Variants in FSIP2 observed in about 807,000 individuals in gnomAD.
The protein encoded by FSIP2 is fibrous sheath interacting protein 2.
A neutral mutation model predicts 510.5 loss-of-function variants in FSIP2; 367 were observed. That is an observed-to-expected ratio of 0.72 (90% CI 0.66 to 0.78). The LOEUF (loss-of-function observed/expected upper bound fraction) is 0.78. Ranked by LOEUF, FSIP2 falls within the 30% of genes least tolerant of loss-of-function variation. FSIP2 has a pLI of 0.00. For synonymous variants in FSIP2, 2,601 were observed against 2,732.2 expected (o/e 0.95, Z 1.50); for missense variants, 7,594 against 7,901.7 (o/e 0.96, Z 1.48).
In FSIP2 at chr2:185,803,077, C is replaced by A; in HGVS notation, c.13771C>A (p.Pro4591Thr). 1 of 1,513,926 alleles carries A rather than the reference C, an allele frequency of 6.6e-7. No homozygotes were observed. Among genetic ancestry groups the A allele is most frequent in the Non-Finnish European group, 8.8e-7 (1 of 1,137,386 alleles). The allele number at this position is 1,513,926 out of a possible 1,614,324, so 93.8% of individuals were successfully genotyped here. Reference sequence around the variant, plus strand: ...ACATATCTGTCAAAAACATCTTCAGCCATTTGTGAGTGGAAAATCATTATC... The same window carrying A: ...ACATATCTGTCAAAAACATCTTCAGACATTTGTGAGTGGAAAATCATTATC... ...IKHICQKHLQ[P>T]FVSGKSLSSS... The change falls in exon 17 of 23, where the codon CCA becomes ACA. Residue 4591 changes from proline (P) to threonine (T), a missense_variant. Physicochemically the swap from Pro to Thr is conservative, Grantham distance 38. Transcript: ENST00000424728.
At chr2:185,812,348 G>A (rs976607154) in intron 17 of FSIP2, among the ~76,000 whole-genome samples, 2 of 152,088 alleles carry the variant, frequency 1.3e-5, no homozygotes, top group Non-Finnish European at 2.9e-5. Flanking sequence ...AGCCCCTTCT[G>A]TCAGGCCAAT....
chr2:185,740,481 A>G (rs964217595), intron 2 of FSIP2: 3 of 152,254 alleles, frequency 2.0e-5, no homozygotes, highest in Non-Finnish European at 2.9e-5. Flanking sequence ...AAGTTCTACA[A>G]GAAAGAATTC....
intron 13 of FSIP2, among the ~76,000 whole-genome samples, chr2:185,770,471 T>C (rs937967469): frequency 6.6e-6 from 1 of 152,034 alleles, no homozygotes; most frequent in East Asian, 1.9e-4. Flanking sequence ...TATCACATGG[T>C]GAGAAAGCAG....
At chr2:185,752,994 G>A (rs1349735359) in intron 7 of FSIP2, among the ~76,000 whole-genome samples, 3 of 151,224 alleles carry the variant, frequency 2.0e-5, no homozygotes, top group Non-Finnish European at 3.0e-5. Flanking sequence ...TTTGCTGGTG[G>A]GGTGAGAGCC....
chr2:185,823,727 T>G (rs779729238), intron 19 of FSIP2, among the ~76,000 whole-genome samples: 16 of 151,726 alleles, frequency 1.1e-4, no homozygotes, highest in Non-Finnish European at 1.8e-4. Context: ...GATCAAGCAA[T>G]TCTACTTCTG....
In FSIP2 at chr2:185,792,809, C is replaced by T; in HGVS notation, c.5673C>T (p.Val1891=). Residue 1891 remains valine, a synonymous_variant, in exon 16 of 23, where the codon GTC becomes GTT. Transcript: ENST00000424728. ...HEHTYKGKSS[V]TALDENPCTF... ...ACACCTATAAAGGAAAGTCCTCTGT[C>T]ACGGCTTTGGATGAAAATCCATGTA... 1 of 1,534,382 alleles carries T rather than the reference C, an allele frequency of 6.5e-7. No individual in the cohort carries two copies. Among genetic ancestry groups the T allele is most frequent in the Non-Finnish European group, 8.7e-7 (1 of 1,145,718 alleles).
At chr2:185,832,796 T>C (rs1694132106) in intron 22 of FSIP2, among the ~76,000 whole-genome samples, 2 of 151,928 alleles carry the variant, frequency 1.3e-5, no homozygotes, top group South Asian at 4.1e-4. Flanking sequence ...GTACTTCTAC[T>C]TTCTCTTGAG....
chr2:185,742,914 GAT>G (rs1196962660), intron 2 of FSIP2, among the ~76,000 whole-genome samples: 1 of 152,136 alleles, frequency 6.6e-6, no homozygotes, highest in Non-Finnish European at 1.5e-5. Flanking sequence ...AGGAGGAACT[GAT>G]TGGGTTAAGG....
At chr2:185,771,292 CT>C in intron 13 of FSIP2, among the ~76,000 whole-genome samples, 1 of 152,334 alleles carries the variant, frequency 6.6e-6, no homozygotes, top group South Asian at 2.1e-4. Flanking sequence ...CACATTTCCC[CT>C]TGGCACTGCC....
chr2:185,805,527 T>A lies in FSIP2; in HGVS notation c.16221T>A (p.Phe5407Leu). 1 of 1,611,610 alleles carries A rather than the reference T, an allele frequency of 6.2e-7. No individual in the cohort carries two copies. Among genetic ancestry groups the A allele is most frequent in the Middle Eastern group, 1.7e-4 (1 of 6,046 alleles). Reference protein sequence around the residue: ...LFSGDWSSTFFSFLNPDNITQ... With the variant: ...LFSGDWSSTFLSFLNPDNITQ... Reference sequence around the variant, plus strand: ...CAGGAGACTGGTCTTCCACCTTCTTTTCATTTCTAAATCCAGATAATATCA... The same window carrying A: ...CAGGAGACTGGTCTTCCACCTTCTTATCATTTCTAAATCCAGATAATATCA... Residue 5407 changes from phenylalanine (F) to leucine (L), a missense_variant, in exon 17 of 23, where the codon TTT becomes TTA. Transcript: ENST00000424728.
rs2105639535 is a variant in FSIP2, at chr2:185,801,517, G to A, written c.12211G>A (p.Asp4071Asn). Residue 4071 changes from aspartate (D) to asparagine (N), a missense_variant, in exon 17 of 23, where the codon GAC (aspartate) becomes AAC (asparagine). Physicochemically the swap from Asp to Asn is conservative, Grantham distance 23. Transcript: ENST00000424728. ...KVACGNNPVY[D>N]NASIAEQITN... is the part of the protein sequence containing the mutation. Reference sequence around the variant, plus strand: ...GGCCTGTGGTAATAATCCGGTATACGACAATGCCTCAATAGCAGAACAAAT... The same window carrying A: ...GGCCTGTGGTAATAATCCGGTATACAACAATGCCTCAATAGCAGAACAAAT... The A allele has an allele frequency of 5.9e-6, 9 of 1,533,052 alleles. No individual in the cohort carries two copies. The highest frequency in any genetic ancestry group is 2.0e-5 in the Admixed American group (1 of 50,828). The allele number at this position is 1,533,052 out of a possible 1,614,324, so 95.0% of individuals were successfully genotyped here. A position where few individuals can be genotyped will look rare whatever the true frequency, so the allele number is the denominator to read the frequency against.
At chr2:185,766,657 G>T (rs892204932) in intron 13 of FSIP2, 1 of 151,314 alleles carries the variant, frequency 6.6e-6, no homozygotes, top group South Asian at 2.1e-4. Flanking sequence ...GCATTAAAAA[G>T]TCAGGAAACA....
In FSIP2 at chr2:185,813,905, A is replaced by G. The variant is rs747591191; in HGVS notation, c.20188A>G (p.Thr6730Ala). 1.5e-5 allele frequency: 25 copies of G among 1,613,758 alleles called. No individual in the cohort carries two copies. The South Asian group carries it at 2.7e-4, about 18-fold the overall frequency. Reference protein sequence around the residue: ...QTTASANIESTEAISNQVIES... With the variant: ...QTTASANIESAEAISNQVIES... ...CACAGCCAGTGCAAATATTGAAAGT[A>G]CTGAAGCAATCTCAAATCAGGTAAT... The change falls in exon 18 of 23, where the codon ACT becomes GCT. Residue 6730 changes from threonine (T) to alanine (A), a missense_variant. By Grantham distance (58) the Thr-to-Ala change is moderately conservative. Transcript: ENST00000424728.
chr2:185,807,450 A>G lies in FSIP2; in HGVS notation c.18144A>G (p.Gln6048=). 1 of 1,612,656 alleles carries G rather than the reference A, an allele frequency of 6.2e-7. No individual in the cohort carries two copies. Among genetic ancestry groups the G allele is most frequent in the Non-Finnish European group, 8.5e-7 (1 of 1,179,314 alleles). ...TGTCCACAGAACTGAATTTCCTTCA[A>G]ATGAAGTTAGTAAGTGCAGTTGCAA... is the stretch of plus-strand genomic sequence containing the variant. ...DNLSTELNFL[Q]MKLVSAVATE... The change falls in exon 17 of 23, where the codon CAA becomes CAG. Residue 6048 remains glutamine, a synonymous_variant. Coordinates refer to ENST00000424728, the MANE Select transcript of FSIP2 (RefSeq NM_173651.4).
At chr2:185,822,234 A>T (rs1405513342) in intron 19 of FSIP2, among the ~76,000 whole-genome samples, 1 of 151,974 alleles carries the variant, frequency 6.6e-6, no homozygotes, top group Non-Finnish European at 1.5e-5. Flanking sequence ...AAAATTAGGC[A>T]AGAAAAAGGG....
chr2:185,824,744 A>G (rs1693984921), intron 20 of FSIP2, among the ~76,000 whole-genome samples: 1 of 151,778 alleles, frequency 6.6e-6, no homozygotes, highest in African/African-American at 2.4e-5. Flanking sequence ...CTCCTGTGAA[A>G]TATCTACAAA....
At chr2:185,776,197 G>A (rs1050272735) in intron 13 of FSIP2, among the ~76,000 whole-genome samples, 1 of 152,136 alleles carries the variant, frequency 6.6e-6, no homozygotes, top group Non-Finnish European at 1.5e-5. Context: ...CTTGACCTGG[G>A]AGGCAAAGGT....
rs1693427519 is a variant in FSIP2, at chr2:185,801,211, G to A, written c.11905G>A (p.Gly3969Ser). The A allele has an allele frequency of 1.3e-6, 2 of 1,534,144 alleles. No individual in the cohort carries two copies. Among genetic ancestry groups the A allele is most frequent in the South Asian group, 2.4e-5 (2 of 84,010 alleles). The change falls in exon 17 of 23, where the codon GGT becomes AGT. Residue 3969 changes from glycine (G) to serine (S), a missense_variant. Gly to Ser is a moderately conservative substitution (Grantham distance 56, BLOSUM62 0). Coordinates refer to ENST00000424728, the MANE Select transcript of FSIP2 (RefSeq NM_173651.4). ...NKLHQEGIYAGVYSATFLEGI... is the reference protein window; with the variant it reads ...NKLHQEGIYASVYSATFLEGI... ...GCTACATCAGGAAGGTATATATGCT[G>A]GTGTTTATTCAGCCACATTTTTGGA...
intron 19 of FSIP2, among the ~76,000 whole-genome samples, chr2:185,823,205 GAT>G (rs1693956803): frequency 6.6e-6 from 1 of 151,776 alleles, no homozygotes; most frequent in Non-Finnish European, 1.5e-5. Flanking sequence ...AAGAAAAATA[GAT>G]ATATTGTGCT....
Sources: gnomAD v4.1 joint callset for allele counts (sites outside exome capture counted in the v4.1 genomes callset) on GRCh38, gnomAD v4.1.1 for gene constraint, MANE v1.5 for transcripts, NCBI Gene and HGNC (gene_info 2026-07-23, HGNC 2026-07-21) for gene names.